The following MTMR12 variants were observed in gnomAD, a reference collection of about 807,000 sequenced individuals.
The protein encoded by MTMR12 is myotubularin-related protein 12.
Under a neutral mutation model 96.7 loss-of-function variants are expected in MTMR12, and 33 were observed. That is an observed-to-expected ratio of 0.34 (90% CI 0.26 to 0.46). The LOEUF (loss-of-function observed/expected upper bound fraction) is 0.46, where lower values mean the gene tolerates loss of function less well. MTMR12 is among the 20% of genes least tolerant of loss of function. The pLI is 1.00. For synonymous variants in MTMR12, 298 were observed against 327.2 expected, an observed-to-expected ratio of 0.91 and a Z score of 0.96; for missense variants, 721 against 896.1, an observed-to-expected ratio of 0.80 and a Z score of 2.49.
chr5:32,311,716 GT>G (rs1751604904), intron 1 of MTMR12, among the ~76,000 whole-genome samples: 2 of 152,168 alleles, frequency 1.3e-5, no homozygotes, highest in African/African-American at 4.8e-5. Context: ...TCCTATGACT[GT>G]CCCCCTTGTC....
At chr5:32,261,821 C>A (rs144504984) in intron 7 of MTMR12, among the ~76,000 whole-genome samples, 5,525 of 152,260 alleles carry the variant, frequency 0.036, 337 homozygotes, top group African/African-American at 0.12. Context: ...ACCTGTAATC[C>A]CAGCACTTTG....
chr5:32,311,842 C>A (rs956952305), intron 1 of MTMR12, among the ~76,000 whole-genome samples: 1 of 152,210 alleles, frequency 6.6e-6, no homozygotes, highest in African/African-American at 2.4e-5. Flanking sequence ...TTCTCTCAGA[C>A]CTCTCGTATC....
intron 7 of MTMR12, among the ~76,000 whole-genome samples, chr5:32,259,853 T>A (rs1461545352): frequency 6.6e-6 from 1 of 151,822 alleles, no homozygotes; most frequent in East Asian, 1.9e-4. Flanking sequence ...CTGGCCAACA[T>A]GGTGAAACCC....
intron 1 of MTMR12, among the ~76,000 whole-genome samples, chr5:32,295,783 T>C (rs1750898737): frequency 6.6e-6 from 1 of 152,278 alleles, no homozygotes; most frequent in South Asian, 2.1e-4. Flanking sequence ...CAGAACTAAA[T>C]AGATGGTAAA....
Position 32,248,012 on chromosome 5 carries a change from T to C in MTMR12, c.1011A>G (p.Leu337=), listed in dbSNP as rs1347470670. 3 of 1,613,872 alleles carry C rather than the reference T, an allele frequency of 1.9e-6. No individual in the cohort carries two copies. The highest frequency in any genetic ancestry group is 1.1e-5 in the South Asian group (1 of 91,066). Reference sequence around the variant, plus strand: ...CAGTATTCTTCTCACCTATCAGAAATAGCTGTTTAAATTTAGAGTATGCAG... The same window carrying C: ...CAGTATTCTTCTCACCTATCAGAAACAGCTGTTTAAATTTAGAGTATGCAG... ...IQTAYSKFKQ[L]FLIDNSTEFW... Residue 337 remains leucine (L), a synonymous_variant, in exon 10 of 16, where the codon CTA becomes CTG. Coordinates refer to ENST00000382142, the MANE Select transcript of MTMR12 (RefSeq NM_001040446.3).
At chr5:32,243,434 C>T in intron 11 of MTMR12, 87 bp downstream of exon 11, 3 of 905,234 alleles carry the variant, frequency 3.3e-6, no homozygotes, top group Non-Finnish European at 1.7e-6. Flanking sequence ...TGTCAAATAT[C>T]AAACAGTTAA....
At chr5:32,299,405 T>C (rs1201098309) in intron 1 of MTMR12, among the ~76,000 whole-genome samples, 2 of 152,138 alleles carry the variant, frequency 1.3e-5, no homozygotes, top group East Asian at 1.9e-4. Flanking sequence ...TATGTACAAG[T>C]GCCAGAAAAA....
At chr5:32,300,267 G>C (rs985882830) in intron 1 of MTMR12, among the ~76,000 whole-genome samples, 1 of 152,008 alleles carries the variant, frequency 6.6e-6, no homozygotes, top group Admixed American at 6.6e-5. Context: ...TCCTTAGCTG[G>C]GTTTATATGG....
At chr5:32,292,686 A>G (rs958439696) in intron 1 of MTMR12, among the ~76,000 whole-genome samples, 6 of 152,238 alleles carry the variant, frequency 3.9e-5, no homozygotes, top group Admixed American at 3.9e-4. Context: ...GGGAAACGAC[A>G]ACAGCCCAGT....
intron 8 of MTMR12, among the ~76,000 whole-genome samples, chr5:32,249,364 G>A (rs1748824263): frequency 6.6e-6 from 1 of 152,130 alleles, no homozygotes; most frequent in Admixed American, 6.5e-5. Flanking sequence ...TGACTCTAAA[G>A]GCTGTGTTGT....
chr5:32,247,623 A>C lies in MTMR12; in HGVS notation c.1021+379T>G, dbSNP rs547548208. 2,724 of 596,440 alleles carry C rather than the reference A, an allele frequency of 4.6e-3. 12 individuals carry two copies. The highest frequency in any genetic ancestry group is 5.4e-3 in the Non-Finnish European group (2,554 of 474,820). 36.9% of individuals were successfully genotyped at this position (596,440 alleles called of 1,614,324 possible). A position where few individuals can be genotyped will look rare whatever the true frequency, so the allele number is the denominator to read the frequency against. Reference sequence around the variant, plus strand: ...TTAAAGTATTTCCACTTTGGGAAAAAGTCTACAGAGGAAAACGAACATTAT... The same window carrying C: ...TTAAAGTATTTCCACTTTGGGAAAACGTCTACAGAGGAAAACGAACATTAT... On this transcript the variant is annotated intron_variant, in intron 10 of 15. Coordinates refer to ENST00000382142, the MANE Select transcript of MTMR12 (RefSeq NM_001040446.3).
chr5:32,248,307 A>G (rs1748777639), intron 9 of MTMR12, among the ~76,000 whole-genome samples, 181 bp from the exon 10 acceptor site: 3 of 152,222 alleles, frequency 2.0e-5, no homozygotes, highest in African/African-American at 7.2e-5. Flanking sequence ...GGAGGTGCAT[A>G]AAGTAAAACT....
At chr5:32,259,201 A>T (rs1241091704) in intron 7 of MTMR12, among the ~76,000 whole-genome samples, 4 of 152,190 alleles carry the variant, frequency 2.6e-5, no homozygotes, top group African/African-American at 9.7e-5. Flanking sequence ...ACTCATGGAA[A>T]ATTGTGTATC....
rs201752511 is a variant in MTMR12, at chr5:32,239,100, G to A, written c.1245C>T (p.Thr415=). 1.2e-6 allele frequency: 2 copies of A among 1,610,028 alleles called. No individual in the cohort carries two copies. Among genetic ancestry groups the A allele is most frequent in the Non-Finnish European group, 1.7e-6 (2 of 1,178,158 alleles). The change falls in exon 13 of 16, where the codon ACC becomes ACT. Residue 415 remains threonine (T), a synonymous_variant. Coordinates refer to ENST00000382142, the MANE Select transcript of MTMR12 (RefSeq NM_001040446.3). ...GGATGAGGCTCTGGAAACCAATTCT[G>A]GTTCTGCAGTGGGGGTCCATCATCA... ...VQLMMDPHCR[T]RIGFQSLIQK...
chr5:32,266,512 AC>A (rs1749598533), intron 6 of MTMR12, among the ~76,000 whole-genome samples: 1 of 151,856 alleles, frequency 6.6e-6, no homozygotes, highest in Non-Finnish European at 1.5e-5. Context: ...ACATAGTGAA[AC>A]CCTGTCTCTA....
At chr5:32,246,170 G>GGTTTTTTTTTTTTT (rs1554056246) in intron 10 of MTMR12, among the ~76,000 whole-genome samples, 109 of 82,744 alleles carry the variant, frequency 1.3e-3, no homozygotes, top group Non-Finnish European at 2.3e-3. Flanking sequence ...TGAGTAGACA[G>GGTTTTTTTTTTTTT]TTTTTTTTTT....
intron 1 of MTMR12, among the ~76,000 whole-genome samples, chr5:32,277,578 A>G (rs935344448): frequency 2.0e-5 from 3 of 152,150 alleles, no homozygotes; most frequent in East Asian, 1.9e-4. Flanking sequence ...GAGTGCCTGT[A>G]ATCCCAGCTA....
chr5:32,308,892 C>G (rs570059221), intron 1 of MTMR12, among the ~76,000 whole-genome samples: 2 of 152,346 alleles, frequency 1.3e-5, no homozygotes, highest in African/African-American at 4.8e-5. Context: ...CGTGAGCCAC[C>G]ACGCCCGGCC....
chr5:32,242,259 C>T, intron 11 of MTMR12, 132 bp from the exon 12 acceptor site: 1 of 515,222 alleles, frequency 1.9e-6, no homozygotes, highest in South Asian at 4.1e-5. Context: ...ACGCTAAAAT[C>T]CTCTAGAAAA....
Sources: gnomAD v4.1 joint callset for allele counts (sites outside exome capture counted in the v4.1 genomes callset) on GRCh38, gnomAD v4.1.1 for gene constraint, MANE v1.5 for transcripts, NCBI Gene and HGNC (gene_info 2026-07-23, HGNC 2026-07-21) for gene names.